The following TBC1D5 variants were observed in gnomAD, a reference collection of about 807,000 sequenced individuals.
The protein encoded by TBC1D5 is TBC1 domain family, member 5.
TBC1D5 carries 75 observed loss-of-function variants against 100.3 expected under a neutral mutation model. The observed-to-expected ratio is 0.75, with a 90% CI of 0.62 to 0.91. TBC1D5 has a LOEUF of 0.91. TBC1D5 is among the 40% of genes least tolerant of loss of function. The pLI is 0.00. For missense variants in TBC1D5, 910 were observed against 942.4 expected (o/e 0.97, Z 0.45); for synonymous variants, 323 against 325.6 (o/e 0.99, Z 0.09).
intron 1 of TBC1D5, among the ~76,000 whole-genome samples, chr3:17,646,622 T>TG: frequency 6.6e-6 from 1 of 152,282 alleles, no homozygotes; most frequent in Admixed American, 6.5e-5. Flanking sequence ...ATCACCATCA[T>TG]GCCCCTGGAC....
rs187430482 is a variant in TBC1D5 at position 17,469,470 on chromosome 3, T to C, written c.97+39004A>G. Among the ~76,000 whole-genome samples the C allele has an allele frequency of 2.0e-5, 3 of 151,828 alleles. No individual in the cohort carries two copies. In the East Asian group the frequency reaches 5.8e-4, roughly 29 times the overall value. The stretch of plus-strand genomic sequence containing the variant: ...TTTACTTTATGAGGGCCGTCCAGCC[T>C]GTAGACAATTCAATTAATCTTACAA... On this transcript the variant is annotated intron_variant, in intron 3 of 21. Transcript: ENST00000253692.
chr3:17,626,507 T>C (rs560015082), intron 1 of TBC1D5, among the ~76,000 whole-genome samples: 1 of 152,274 alleles, frequency 6.6e-6, no homozygotes, highest in Admixed American at 6.5e-5. Context: ...ACATAGGACT[T>C]AGACCCAAGT....
At position 17,452,192 on chromosome 3, in the gene TBC1D5, G is replaced by T. The variant is rs114223795; in HGVS notation, c.98-23673C>A. Among the ~76,000 whole-genome samples the T allele has an allele frequency of 4.2e-3, 640 of 152,138 alleles. 4 individuals carry two copies. Among genetic ancestry groups the T allele is most frequent in the African/African-American group, 0.014 (576 of 41,516 alleles). On this transcript the variant is annotated intron_variant, in intron 3 of 21. Transcript: ENST00000253692. Reference sequence around the variant, plus strand: ...CACAAAAAAATAAAAAGCAAGAACTGAAATCATACCACCAGAGAAAATCAA... The same window carrying T: ...CACAAAAAAATAAAAAGCAAGAACTTAAATCATACCACCAGAGAAAATCAA...
At chr3:17,556,329 T>G (rs1421368039) in intron 2 of TBC1D5, among the ~76,000 whole-genome samples, 2 of 152,206 alleles carry the variant, frequency 1.3e-5, no homozygotes, top group South Asian at 2.1e-4. Flanking sequence ...AGTTTGTTTT[T>G]AAGCCTACAA....
chr3:17,545,749 A>G (rs1011407167), intron 2 of TBC1D5, among the ~76,000 whole-genome samples: 1 of 152,224 alleles, frequency 6.6e-6, no homozygotes, highest in African/African-American at 2.4e-5. Context: ...CTTTATTTCT[A>G]TTGCCACTAT....
chr3:17,579,924 T>C (rs2096682727), intron 2 of TBC1D5, among the ~76,000 whole-genome samples: 1 of 152,142 alleles, frequency 6.6e-6, no homozygotes, highest in East Asian at 1.9e-4. Context: ...AGAATTCTTC[T>C]AATGCCATTA....
intron 13 of TBC1D5, among the ~76,000 whole-genome samples, chr3:17,368,515 C>T (rs2092295758): frequency 6.6e-6 from 1 of 152,006 alleles, no homozygotes; most frequent in Non-Finnish European, 1.5e-5. Flanking sequence ...AGAAATTGGA[C>T]TCTACATGGG....
chr3:17,361,831 T>G (rs1477134359), intron 13 of TBC1D5, among the ~76,000 whole-genome samples: 1 of 151,704 alleles, frequency 6.6e-6, no homozygotes, highest in Non-Finnish European at 1.5e-5. Context: ...CTTCAACAAC[T>G]TGAAAGAGAA....
At chr3:17,411,464 A>C (rs1396716243) in intron 4 of TBC1D5, among the ~76,000 whole-genome samples, 1 of 152,182 alleles carries the variant, frequency 6.6e-6, no homozygotes, top group East Asian at 1.9e-4. Flanking sequence ...GTCTGTGAAC[A>C]ACAAGCACAG....
chr3:17,422,728 A>G (rs1053944866), intron 4 of TBC1D5, among the ~76,000 whole-genome samples: 3 of 152,180 alleles, frequency 2.0e-5, no homozygotes, highest in African/African-American at 7.2e-5. Flanking sequence ...TGATGAAAAG[A>G]TATTTCCCGC....
At chr3:17,512,797 C>T (rs528153208) in intron 2 of TBC1D5, among the ~76,000 whole-genome samples, 1 of 152,222 alleles carries the variant, frequency 6.6e-6, no homozygotes, top group East Asian at 1.9e-4. Context: ...CTATCCTGGG[C>T]ACAGGAGTTC....
chr3:17,570,997 T>C (rs995394445), intron 2 of TBC1D5, among the ~76,000 whole-genome samples: 2 of 152,036 alleles, frequency 1.3e-5, no homozygotes, highest in African/African-American at 2.4e-5. Flanking sequence ...AGGTGACTTT[T>C]AGAGACACAA....
intron 1 of TBC1D5, among the ~76,000 whole-genome samples, chr3:17,707,139 T>C (rs1245099664): frequency 6.6e-6 from 1 of 152,068 alleles, no homozygotes; most frequent in African/African-American, 2.4e-5. Flanking sequence ...TTCAAAGATA[T>C]CATGAATAGT....
chr3:17,629,887 T>C (rs1461474645), intron 1 of TBC1D5, among the ~76,000 whole-genome samples: 3 of 152,302 alleles, frequency 2.0e-5, no homozygotes, highest in South Asian at 2.1e-4. Flanking sequence ...TACAGAACTA[T>C]AGAATTAAAA....
intron 13 of TBC1D5, chr3:17,340,718 A>C (rs867106455): frequency 3.3e-5 from 5 of 152,246 alleles, no homozygotes; most frequent in South Asian, 4.1e-4. Context: ...AGGGATTATT[A>C]AGAGGGACAT....
At chr3:17,404,496 A>G (rs1364414036) in intron 7 of TBC1D5, among the ~76,000 whole-genome samples, 198 bp downstream of exon 7, 2 of 152,086 alleles carry the variant, frequency 1.3e-5, no homozygotes, top group Non-Finnish European at 2.9e-5. Flanking sequence ...TTCCACAGAA[A>G]TAGATCATAA....
intron 15 of TBC1D5, among the ~76,000 whole-genome samples, chr3:17,281,635 T>C (rs1206322894): frequency 6.6e-6 from 1 of 152,234 alleles, no homozygotes; most frequent in Non-Finnish European, 1.5e-5. Flanking sequence ...GAAATATACT[T>C]TAAAATTCTC....
chr3:17,724,153 C>T (rs571520317), intron 1 of TBC1D5, among the ~76,000 whole-genome samples: 5 of 150,602 alleles, frequency 3.3e-5, no homozygotes, highest in African/African-American at 1.2e-4. Context: ...AATCACAACT[C>T]ACTGCAGCCT....
intron 2 of TBC1D5, among the ~76,000 whole-genome samples, chr3:17,588,589 G>A (rs909309433): frequency 2.0e-4 from 31 of 151,880 alleles, no homozygotes; most frequent in Non-Finnish European, 3.4e-4. Context: ...CATATTTAAC[G>A]CACAAATGCT....
Sources: allele counts gnomAD v4.1 joint callset (sites outside exome capture counted in the v4.1 genomes callset), GRCh38; gene constraint gnomAD v4.1.1; transcripts MANE v1.5; gene names NCBI Gene and HGNC (gene_info 2026-07-23, HGNC 2026-07-21).